NUP58: variants seen among roughly 807,000 people sequenced by gnomAD.
The protein encoded by NUP58 is nucleoporin p58/p45.
A neutral mutation model predicts 70.1 loss-of-function variants in NUP58; 17 were observed. That is an observed-to-expected ratio of 0.24 (90% CI 0.17 to 0.36). NUP58 has a LOEUF of 0.36. Ranked by LOEUF, NUP58 falls within the 10% of genes least tolerant of loss-of-function variation. The pLI is 1.00. For synonymous variants in NUP58, 275 were observed against 257.6 expected (o/e 1.07, Z -0.65); for missense variants, 644 against 701.5 (o/e 0.92, Z 0.93).
chr13:25,349,069 G>A (rs1049308505), intron 3 of NUP58, among the ~76,000 whole-genome samples: 22 of 152,234 alleles, frequency 1.4e-4, no homozygotes, highest in African/African-American at 3.9e-4. Context: ...GACAAAGTTA[G>A]TTTGTACCTC....
intron 3 of NUP58, among the ~76,000 whole-genome samples, chr13:25,349,327 T>C (rs759833581): frequency 1.9e-4 from 29 of 152,218 alleles, no homozygotes; most frequent in Admixed American, 2.0e-4. Flanking sequence ...CTTGGAACCA[T>C]GCTACTAGGG....
chr13:25,340,097 A>G lies in NUP58; in HGVS notation c.1763A>G (p.Lys588Arg). 1 of 1,613,606 alleles carries G rather than the reference A, an allele frequency of 6.2e-7. No homozygotes were observed. The highest frequency in any genetic ancestry group is 8.5e-7 in the Non-Finnish European group (1 of 1,179,828). The change falls in exon 16 of 16, where the codon AAG (lysine) becomes AGG (arginine). Residue 588 changes from lysine (K) to arginine (R), a missense_variant. Physicochemically the swap from Lys to Arg is conservative, Grantham distance 26. Transcript: ENST00000381736. ...FGTGGQLLQLKKPPAGNKRGK... is the reference protein window; with the variant it reads ...FGTGGQLLQLRKPPAGNKRGK... ...ACAGGAGGACAACTCCTTCAGTTGA[A>G]GAAACCTCCAGCTGGAAACAAAAGA... is the stretch of plus-strand genomic sequence containing the variant.
At chr13:25,319,007 A>AT (rs2031064911) in intron 6 of NUP58, among the ~76,000 whole-genome samples, 1 of 152,192 alleles carries the variant, frequency 6.6e-6, no homozygotes, top group Non-Finnish European at 1.5e-5. Flanking sequence ...CATCTGCCAT[A>AT]TATCTGCTTA....
chr13:25,349,052 T>A (rs1196668067), intron 3 of NUP58, among the ~76,000 whole-genome samples: 1 of 152,156 alleles, frequency 6.6e-6, no homozygotes, highest in Non-Finnish European at 1.5e-5. Flanking sequence ...CTTCTCTAAC[T>A]ACCCCCGACA....
At chr13:25,304,514 A>ATATG (rs1366942627) in intron 1 of NUP58, among the ~76,000 whole-genome samples, 16 of 56,196 alleles carry the variant, frequency 2.8e-4, no homozygotes, top group Non-Finnish European at 5.1e-4. Flanking sequence ...ATATATATAT[A>ATATG]TATGTATTTT....
At position 25,331,531 on chromosome 13, in the gene NUP58, C is replaced by CT. The variant is rs1261187806; in HGVS notation, c.1410dup (p.Thr471TyrfsTer17). On this transcript the variant is annotated frameshift_variant, in exon 13 of 16. Coordinates refer to ENST00000381736, the MANE Select transcript of NUP58 (RefSeq NM_014089.4). LOFTEE classifies it high-confidence loss of function. ...AGCAGCCGTTGCCATGGCTGCAACA[C>CT]TTACACAGCAGCAACAGCCTGCTAC... The CT allele has an allele frequency of 6.2e-7, 1 of 1,614,086 alleles. No individual in the cohort carries two copies. The highest frequency in any genetic ancestry group is 1.1e-5 in the South Asian group (1 of 91,084).
At chr13:25,336,310 G>GC in intron 13 of NUP58, 1 of 1,220,444 alleles carries the variant, frequency 8.2e-7, no homozygotes, top group Non-Finnish European at 1.1e-6. Flanking sequence ...TAATTGATTT[G>GC]CTTTACAATG....
intron 12 of NUP58, among the ~76,000 whole-genome samples, chr13:25,329,721 A>G (rs1327252479): frequency 2.0e-5 from 3 of 152,202 alleles, no homozygotes; most frequent in Admixed American, 6.5e-5. Context: ...GGCGTTAACT[A>G]TTCTATCCAG....
chr13:25,333,252 T>TA, intron 13 of NUP58: 1 of 985,326 alleles, frequency 1.0e-6, no homozygotes, highest in Non-Finnish European at 1.2e-6. Flanking sequence ...AATGAGTGCC[T>TA]ACTATGTGCT....
rs2031921936 is a variant in NUP58, at chr13:25,340,489, C to T, written c.*355C>T. The T allele has an allele frequency of 6.0e-6, 1 of 167,572 alleles. No homozygotes were observed. Among genetic ancestry groups the T allele is most frequent in the Non-Finnish European group, 1.3e-5 (1 of 78,936 alleles). The allele number at this position is 167,572 out of a possible 1,614,324, so 10.4% of individuals were successfully genotyped here. ...AATACATGCACATTTGTTTCTTATA[C>T]AGGTGGTGTGAACTCTAGGGCCTAT... On this transcript the variant is annotated 3_prime_UTR_variant, in exon 16 of 16. Transcript: ENST00000381736.
At chr13:25,313,494 G>T in intron 4 of NUP58, 120 bp from the exon 5 acceptor site, 1 of 918,882 alleles carries the variant, frequency 1.1e-6, no homozygotes, top group Non-Finnish European at 1.6e-6. Flanking sequence ...TTAGCAAGTA[G>T]TTCTTCCAAA....
chr13:25,306,362 C>T (rs1175200882), intron 1 of NUP58, among the ~76,000 whole-genome samples: 1 of 148,784 alleles, frequency 6.7e-6, no homozygotes, highest in Non-Finnish European at 1.5e-5. Flanking sequence ...CCACTGCACT[C>T]CAGCCTGGGC....
downstream of NUP58, among the ~76,000 whole-genome samples, chr13:25,346,406 A>G (rs1035755904): frequency 6.6e-6 from 1 of 152,146 alleles, no homozygotes; most frequent in Non-Finnish European, 1.5e-5. Context: ...AATGATATAA[A>G]GTGGGCTTTC....
At chr13:25,304,299 A>G (rs570852590) in intron 1 of NUP58, among the ~76,000 whole-genome samples, 7 of 151,996 alleles carry the variant, frequency 4.6e-5, no homozygotes, top group East Asian at 1.9e-4. Flanking sequence ...GTTTGAGGCA[A>G]TAATTGGTCA....
chr13:25,338,032 TAAG>T (rs1156501960), intron 14 of NUP58, among the ~76,000 whole-genome samples: 1 of 152,172 alleles, frequency 6.6e-6, no homozygotes, highest in Non-Finnish European at 1.5e-5. Context: ...ATAGTATTGT[TAAG>T]AGAAAAACCA....
At chr13:25,323,422 G>A (rs931333139) in intron 9 of NUP58, among the ~76,000 whole-genome samples, 2 of 151,106 alleles carry the variant, frequency 1.3e-5, no homozygotes, top group East Asian at 3.9e-4. Flanking sequence ...AGGTCAAAGG[G>A]GAAGAAGAAA....
intron 1 of NUP58, 70 bp downstream of exon 1, chr13:25,301,950 G>A (rs1041939432): frequency 1.0e-6 from 1 of 990,732 alleles, no homozygotes; most frequent in Non-Finnish European, 1.5e-6. Context: ...CTCCCTTGGT[G>A]TCCCCATCCT....
intron 5 of NUP58, among the ~76,000 whole-genome samples, chr13:25,314,707 T>G (rs1480019454): frequency 1.3e-5 from 2 of 151,962 alleles, no homozygotes; most frequent in African/African-American, 4.8e-5. Context: ...AAAACAATAA[T>G]AACAATAAAA....
chr13:25,342,719 C>A (rs772209555), downstream of NUP58, among the ~76,000 whole-genome samples: 1 of 152,046 alleles, frequency 6.6e-6, no homozygotes, highest in Non-Finnish European at 1.5e-5. Context: ...TGATATGTAT[C>A]CTTGTAGACC....
Sources: gnomAD v4.1 joint callset for allele counts (sites outside exome capture counted in the v4.1 genomes callset) on GRCh38, gnomAD v4.1.1 for gene constraint, MANE v1.5 for transcripts, NCBI Gene and HGNC (gene_info 2026-07-23, HGNC 2026-07-21) for gene names.